PGBD5: variants seen among roughly 807,000 people sequenced by gnomAD.
PGBD5 encodes the protein piggyBac transposable element-derived protein 5.
In PGBD5, 14 loss-of-function variants were observed where a neutral mutation model predicts 47.9. That is an observed-to-expected ratio of 0.29 (90% CI 0.19 to 0.46). The LOEUF is 0.46. Among genes scored for constraint, PGBD5 ranks in the 20% least tolerant of loss-of-function variants. The pLI is 1.00. For missense variants in PGBD5, 635 were observed against 716.0 expected (o/e 0.89, Z 1.29); for synonymous variants, 316 against 306.3 (o/e 1.03, Z -0.33).
At position 230,323,733 on chromosome 1, in the gene PGBD5, C is replaced by T. The variant is rs532771546; in HGVS notation, c.1380-113G>A. 5.3e-5 allele frequency: 56 copies of T among 1,048,324 alleles called. No individual in the cohort carries two copies. Among genetic ancestry groups the T allele is most frequent in the Middle Eastern group, 2.8e-4 (1 of 3,610 alleles). The allele number at this position is 1,048,324 out of a possible 1,614,324, so 64.9% of individuals were successfully genotyped here. A position where few individuals can be genotyped will look rare whatever the true frequency, so the allele number is the denominator to read the frequency against. On this transcript the variant is annotated intron_variant, in intron 6 of 6. Coordinates refer to ENST00000391860, the MANE Select transcript of PGBD5 (RefSeq NM_001258311.2). This position sits in a 1 kb window ranked among gnomAD's most constrained non-coding sequence, Gnocchi z 4.1. ...TGAGACGCTGCAGGTTCGCCCCCGA[C>T]AGAAGCAGGAGGGCTATGGGGGCAG...
intron 5 of PGBD5, among the ~76,000 whole-genome samples, chr1:230,328,053 G>A (rs1216193586): frequency 1.3e-5 from 2 of 152,150 alleles, no homozygotes; most frequent in African/African-American, 2.4e-5. Flanking sequence ...CCGGAACTCA[G>A]GATGCCCCGC....
At chr1:230,399,236 C>T (rs1273534629) in intron 1 of PGBD5, among the ~76,000 whole-genome samples, 1 of 152,100 alleles carries the variant, frequency 6.6e-6, no homozygotes, top group Non-Finnish European at 1.5e-5. Flanking sequence ...TTAAGCTGAA[C>T]AATTATTGTA....
At chr1:230,403,109 C>T (rs1236536276) in intron 1 of PGBD5, among the ~76,000 whole-genome samples, 2 of 152,188 alleles carry the variant, frequency 1.3e-5, no homozygotes, top group Non-Finnish European at 2.9e-5. Flanking sequence ...AAGCATGCCT[C>T]CAGGCCTCTT....
intron 1 of PGBD5, among the ~76,000 whole-genome samples, chr1:230,361,749 C>T (rs1434589084): frequency 2.0e-5 from 3 of 152,206 alleles, no homozygotes; most frequent in Non-Finnish European, 4.4e-5. Flanking sequence ...TTGATATTCC[C>T]TCCCCAGGAG....
intron 6 of PGBD5, among the ~76,000 whole-genome samples, chr1:230,324,345 C>G (rs1269863936): frequency 1.3e-5 from 2 of 152,250 alleles, no homozygotes; most frequent in African/African-American, 2.4e-5. Flanking sequence ...CCTCATAGAA[C>G]ACAGCAAGGT....
intron 1 of PGBD5, among the ~76,000 whole-genome samples, chr1:230,409,111 T>G (rs1657361515): frequency 6.6e-6 from 1 of 152,192 alleles, no homozygotes; most frequent in African/African-American, 2.4e-5. Flanking sequence ...GAGAAGATGC[T>G]CAACATCATG....
chr1:230,418,097 C>G (rs1444445640), intron 1 of PGBD5, among the ~76,000 whole-genome samples: 1 of 152,172 alleles, frequency 6.6e-6, no homozygotes, highest in East Asian at 1.9e-4. Context: ...GACAGCCCCC[C>G]ACCAGCAAAG....
In PGBD5 at chr1:230,323,726, C is replaced by T. The variant is rs1667073596; in HGVS notation, c.1380-106G>A. ...CAGCCCGTGAGACGCTGCAGGTTCGCCCCCGACAGAAGCAGGAGGGCTATG... is the reference window on the plus strand; with the variant it reads ...CAGCCCGTGAGACGCTGCAGGTTCGTCCCCGACAGAAGCAGGAGGGCTATG... On this transcript the variant is annotated intron_variant, in intron 6 of 6. Coordinates refer to ENST00000391860, the MANE Select transcript of PGBD5 (RefSeq NM_001258311.2). This position sits in a 1 kb window ranked among gnomAD's most constrained non-coding sequence, Gnocchi z 4.1. 4.4e-6 allele frequency: 5 copies of T among 1,139,112 alleles called. No homozygotes were observed. The highest frequency in any genetic ancestry group is 6.2e-6 in the Non-Finnish European group (5 of 800,280). 70.6% of individuals were successfully genotyped at this position (1,139,112 alleles called of 1,614,324 possible). A position where few individuals can be genotyped will look rare whatever the true frequency, so the allele number is the denominator to read the frequency against.
At chr1:230,324,875 C>A (rs925941055) in intron 6 of PGBD5, among the ~76,000 whole-genome samples, 3 of 152,174 alleles carry the variant, frequency 2.0e-5, no homozygotes, top group African/African-American at 7.2e-5. Context: ...AATTAAGGCA[C>A]CCGTGCTAGA....
chr1:230,348,809 A>T (rs1472284281), intron 3 of PGBD5, among the ~76,000 whole-genome samples: 1 of 152,200 alleles, frequency 6.6e-6, no homozygotes, highest in African/African-American at 2.4e-5. Flanking sequence ...GGGCTGAGAA[A>T]GTTCTCATGC....
At chr1:230,390,940 A>G (rs1656767517) in intron 1 of PGBD5, among the ~76,000 whole-genome samples, 1 of 152,084 alleles carries the variant, frequency 6.6e-6, no homozygotes. Flanking sequence ...GGGTTTCATC[A>G]TGTTGGTCAG....
In PGBD5 at chr1:230,350,613, T is replaced by C. The variant is rs187165514; in HGVS notation, c.894+345A>G. On this transcript the variant is annotated intron_variant, in intron 3 of 6. Transcript: ENST00000391860. ...TCTTGAGGGACAGCCTCCAGGGAGA[T>C]GGTAGAAACCTCGTATGACCCACTG... 3.2e-3 allele frequency among the ~76,000 whole-genome samples: 486 copies of C among 152,300 alleles called. 3 individuals carry two copies. The highest frequency in any genetic ancestry group is 0.011 in the African/African-American group (471 of 41,568).
intron 1 of PGBD5, among the ~76,000 whole-genome samples, chr1:230,422,731 G>A (rs994056445): frequency 6.6e-6 from 1 of 152,124 alleles, no homozygotes; most frequent in Non-Finnish European, 1.5e-5. Flanking sequence ...AGCTAAATAC[G>A]CTGAAAAACA....
In PGBD5 at chr1:230,332,849, T is replaced by G. The variant is rs1667243062; in HGVS notation, c.1268A>C (p.Gln423Pro). Residue 423 changes from glutamine (Q) to proline (P), a missense_variant, in exon 5 of 7, where the codon CAG becomes CCG. By Grantham distance (76) the Gln-to-Pro change is moderately conservative (BLOSUM62 -1). Transcript: ENST00000391860. ...AATGGCGGACCCGCACTCACCCTGC[T>G]GCACCGGGGAGTAGGCGTTGGTCAG... ...RFLTNAYSPV[Q>P]QGVIIKRKSG... 8 of 1,614,076 alleles carry G rather than the reference T, an allele frequency of 5.0e-6. No individual in the cohort carries two copies. Among genetic ancestry groups the G allele is most frequent in the Non-Finnish European group, 6.8e-6 (8 of 1,180,026 alleles).
At chr1:230,413,374 C>G (rs1657452714) in intron 1 of PGBD5, among the ~76,000 whole-genome samples, 2 of 152,066 alleles carry the variant, frequency 1.3e-5, no homozygotes, top group African/African-American at 4.8e-5. Flanking sequence ...GTGGCACACA[C>G]CTGTAGTCCC....
At chr1:230,332,034 C>CCATACAAACTT (rs1667227198) in intron 5 of PGBD5, among the ~76,000 whole-genome samples, 2 of 147,446 alleles carry the variant, frequency 1.4e-5, no homozygotes, top group African/African-American at 2.5e-5. Flanking sequence ...ACCACACACA[C>CCATACAAACTT]ACCACACACA....
intron 1 of PGBD5, among the ~76,000 whole-genome samples, chr1:230,390,461 C>T (rs1656757017): frequency 6.6e-6 from 1 of 152,180 alleles, no homozygotes; most frequent in African/African-American, 2.4e-5. Context: ...CTGCAGCAAA[C>T]CAAATCAGCC....
intron 3 of PGBD5, among the ~76,000 whole-genome samples, chr1:230,348,617 C>A (rs1045360206): frequency 6.6e-6 from 1 of 152,180 alleles, no homozygotes; most frequent in African/African-American, 2.4e-5. Context: ...CAAAAGCTGT[C>A]AAACCAAGAT....
In PGBD5 at chr1:230,315,674, GTGTA is replaced by G. The variant is rs1279724632; in HGVS notation, c.*7747_*7750del. On this transcript the variant is annotated 3_prime_UTR_variant, in exon 7 of 7. Coordinates refer to ENST00000391860, the MANE Select transcript of PGBD5 (RefSeq NM_001258311.2). Reference sequence around the variant, plus strand: ...TGGTAGACTCTGTATTTTATCGTGTGTGTATGTGTGTGTATATTTACACACACAT... The same window carrying G: ...TGGTAGACTCTGTATTTTATCGTGTGTGTGTGTGTATATTTACACACACAT... The G allele has an allele frequency of 9.3e-5, 14 of 151,338 alleles. No homozygotes were observed. Among genetic ancestry groups the G allele is most frequent in the Admixed American group, 7.9e-4 (12 of 15,196 alleles). 9.4% of individuals were successfully genotyped at this position (151,338 alleles called of 1,614,324 possible). A position where few individuals can be genotyped will look rare whatever the true frequency, so the allele number is the denominator to read the frequency against.
Sources: allele counts gnomAD v4.1 joint callset (sites outside exome capture counted in the v4.1 genomes callset), GRCh38; gene constraint gnomAD v4.1.1; non-coding constraint Gnocchi (gnomAD v3.1); transcripts MANE v1.5; gene names NCBI Gene and HGNC (gene_info 2026-07-23, HGNC 2026-07-21).